Variants in C3 observed in about 807,000 individuals in gnomAD.
C3 encodes C3 and PZP-like alpha-2-macroglobulin domain-containing protein 1.
Under a neutral mutation model 207.9 loss-of-function variants are expected in C3, and 97 were observed. That is an observed-to-expected ratio of 0.47 (90% CI 0.40 to 0.55). The LOEUF (loss-of-function observed/expected upper bound fraction) is 0.55, where lower values mean the gene tolerates loss of function less well. Among genes scored for constraint, C3 ranks in the 20% least tolerant of loss-of-function variants. C3 has a pLI of 0.00. For synonymous variants in C3, 848 were observed against 857.6 expected, an observed-to-expected ratio of 0.99 and a Z score of 0.20; for missense variants, 1,684 against 2,171.7, an observed-to-expected ratio of 0.78 and a Z score of 4.46.
rs551024687 is a variant in C3, at chr19:6,680,023, G to A, written c.4456+135C>T. ...AGATCCTTGGGACCCTCAGACCCGT[G>A]GGACCTTCATACTACGAATGCTCAA... is the stretch of plus-strand genomic sequence containing the variant. On this transcript the variant is annotated intron_variant, in intron 36 of 40. Transcript: ENST00000245907. 6 of 708,550 alleles carry A rather than the reference G, an allele frequency of 8.5e-6. No individual in the cohort carries two copies. The South Asian group carries it at 8.7e-5, about 10-fold the overall frequency. 43.9% of individuals were successfully genotyped at this position (708,550 alleles called of 1,614,324 possible).
chr19:6,702,666 G>C (rs1967700030), intron 17 of C3, 87 bp from the exon 18 acceptor site: 2 of 899,586 alleles, frequency 2.2e-6, no homozygotes. Flanking sequence ...GGGAGGCCAA[G>C]GCAGGTGGAT....
In C3 at chr19:6,717,701, C is replaced by T. The variant is rs2642197; in HGVS notation, c.504+393G>A. 1.0e-3 allele frequency: 341 copies of T among 337,588 alleles called. 1 individual carries two copies. Among genetic ancestry groups the T allele is most frequent in the African/African-American group, 7.4e-3 (291 of 39,076 alleles). 20.9% of individuals were successfully genotyped at this position (337,588 alleles called of 1,614,324 possible). A position where few individuals can be genotyped will look rare whatever the true frequency, so the allele number is the denominator to read the frequency against. ...TGTTGTGTGTGTTTTGTGTGTATTG[C>T]GTGGTTGTGTATGTTGTGTATTGTG... On this transcript the variant is annotated intron_variant, in intron 4 of 40. Transcript: ENST00000245907.
At chr19:6,688,888 T>A (rs1444761001) in intron 27 of C3, among the ~76,000 whole-genome samples, 1 of 152,192 alleles carries the variant, frequency 6.6e-6, no homozygotes, top group Non-Finnish European at 1.5e-5. Flanking sequence ...TTGGTCCAGA[T>A]ATAGTCATCT....
chr19:6,709,212 G>T (rs1284081043), intron 14 of C3, among the ~76,000 whole-genome samples: 2 of 152,152 alleles, frequency 1.3e-5, no homozygotes, highest in Non-Finnish European at 2.9e-5. Context: ...ACTTTGGGAG[G>T]TCGAGGCGGG....
In C3 at chr19:6,694,413, G is replaced by A. The variant is rs527641721; in HGVS notation, c.3154+18C>T. Reference sequence around the variant, plus strand: ...GGAAAGGGGTCCCTGGGGTCTCCAAGAGGGGCAGGGAGCCCACCCTTCTTG... The same window carrying A: ...GGAAAGGGGTCCCTGGGGTCTCCAAAAGGGGCAGGGAGCCCACCCTTCTTG... On this transcript the variant is annotated intron_variant, in intron 24 of 40. Transcript: ENST00000245907. 3.1e-6 allele frequency: 5 copies of A among 1,612,554 alleles called. No individual in the cohort carries two copies. Among genetic ancestry groups the A allele is most frequent in the African/African-American group, 2.7e-5 (2 of 74,966 alleles).
intron 21 of C3, among the ~76,000 whole-genome samples, chr19:6,697,023 C>G (rs1967547270): frequency 8.2e-6 from 1 of 122,188 alleles, no homozygotes; most frequent in Non-Finnish European, 1.7e-5. Flanking sequence ...GCCTGGGGAA[C>G]AGAGTGAGAC....
At position 6,719,375 on chromosome 19, in the gene C3, G is replaced by C; in HGVS notation, c.103C>G (p.Arg35Gly). The change falls in exon 2 of 41, where the codon CGG becomes GGG. Residue 35 changes from arginine to glycine, a missense_variant. Coordinates refer to ENST00000245907, the MANE Select transcript of C3 (RefSeq NM_000064.4). The surrounding 1 kb of genome is among the most constrained non-coding windows in gnomAD (Gnocchi z 5.4). ...ACCATGGTCTCCTCGCTCTCCAGCC[G>C]CAAGATGTTGGGGGTGATGATAGAG... ...MYSIITPNIL[R>G]LESEETMVLE... 1 of 1,613,958 alleles carries C rather than the reference G, an allele frequency of 6.2e-7. No homozygotes were observed. The highest frequency in any genetic ancestry group is 1.1e-5 in the South Asian group (1 of 91,084).
intron 19 of C3, among the ~76,000 whole-genome samples, chr19:6,698,057 G>A (rs1967578828): frequency 2.0e-5 from 3 of 151,560 alleles, no homozygotes; most frequent in Non-Finnish European, 2.9e-5. Context: ...AGACTCTGTC[G>A]CCAGGCTGGA....
chr19:6,684,438 T>C lies in C3; in HGVS notation c.4122A>G (p.Glu1374=). The C allele has an allele frequency of 1.2e-6, 2 of 1,613,450 alleles. No homozygotes were observed. The highest frequency in any genetic ancestry group is 1.7e-6 in the Non-Finnish European group (2 of 1,179,350). The change falls in exon 33 of 41, where the codon GAA becomes GAG. Residue 1374 remains glutamate (E), a splice_region_variant and synonymous_variant. Coordinates refer to ENST00000245907, the MANE Select transcript of C3 (RefSeq NM_000064.4). ...KVTIKPAPET[E]KRPQDAKNTM... ...TGTTCTTGGCATCCTGAGGCCTCTT[T>C]TCTAGAAACACAGAAGAGAGAAAGA...
Position 6,713,400 on chromosome 19 carries a change from A to G in C3, c.876+7T>C, listed in dbSNP as rs751541785. The stretch of plus-strand genomic sequence containing the variant: ...GCAGGGATCAAAGCGGCCTCCGTCT[A>G]TGGTACCGGAATGCGCTTGAGGGAT... On this transcript the variant is annotated splice_region_variant and intron_variant, in intron 8 of 40. Transcript: ENST00000245907. 2.5e-6 allele frequency: 4 copies of G among 1,613,748 alleles called. No homozygotes were observed. Among genetic ancestry groups the G allele is most frequent in the South Asian group, 1.1e-5 (1 of 91,082 alleles).
chr19:6,688,761 C>T (rs1380534044), intron 27 of C3, among the ~76,000 whole-genome samples: 2 of 152,186 alleles, frequency 1.3e-5, no homozygotes, highest in African/African-American at 4.8e-5. Flanking sequence ...TATTCCTGCC[C>T]ATTTGCCTCT....
rs769873702 is a variant in C3 at position 6,685,004 on chromosome 19, A to C, written c.3953T>G (p.Leu1318Arg). ...THRIHWESAS[L>R]LRSEETKENE... is the part of the protein sequence containing the mutation. ...TGACTGTACCTCTTCTGATCGCAGGAGGCTGGCAGATTCCCAGTGGATACG... is the reference window on the plus strand; with the variant it reads ...TGACTGTACCTCTTCTGATCGCAGGCGGCTGGCAGATTCCCAGTGGATACG... Residue 1318 changes from leucine to arginine, a missense_variant, in exon 30 of 41, where the codon CTC becomes CGC. Transcript: ENST00000245907. The C allele has an allele frequency of 6.4e-5, 104 of 1,613,636 alleles. No homozygotes were observed. The highest frequency in any genetic ancestry group is 6.9e-5 in the Non-Finnish European group (81 of 1,179,994).
In C3 at chr19:6,719,495, C is replaced by A; in HGVS notation, c.75-92G>T. The stretch of plus-strand genomic sequence containing the variant: ...GTCAGCGCCTGGCAGGCTGTGTGCC[C>A]CAGCCTCTGGTCCTGGAGAGGATCC... On this transcript the variant is annotated intron_variant, in intron 1 of 40. Coordinates refer to ENST00000245907, the MANE Select transcript of C3 (RefSeq NM_000064.4). This position sits in a 1 kb window ranked among gnomAD's most constrained non-coding sequence, Gnocchi z 5.4. 2.5e-6 allele frequency: 3 copies of A among 1,181,354 alleles called. No individual in the cohort carries two copies. Among genetic ancestry groups the A allele is most frequent in the East Asian group, 2.4e-5 (1 of 42,044 alleles). 73.2% of individuals were successfully genotyped at this position (1,181,354 alleles called of 1,614,324 possible). A position where few individuals can be genotyped will look rare whatever the true frequency, so the allele number is the denominator to read the frequency against.
intron 18 of C3, 97 bp from the exon 19 acceptor site, chr19:6,702,309 A>G: frequency 1.0e-6 from 1 of 986,566 alleles, no homozygotes; most frequent in East Asian, 2.4e-5. Flanking sequence ...ACAGGCTGGA[A>G]GGGTCTGGGG....
chr19:6,684,895 G>A (rs1370294910), intron 30 of C3, 61 bp from the exon 31 acceptor site: 2 of 1,603,702 alleles, frequency 1.2e-6, no homozygotes, highest in East Asian at 4.5e-5. Context: ...TGCCTGTGAT[G>A]GTCACCTGGC....
chr19:6,714,600 G>A (rs765399579), intron 4 of C3, among the ~76,000 whole-genome samples, 154 bp from the exon 5 acceptor site: 2 of 152,206 alleles, frequency 1.3e-5, no homozygotes, highest in African/African-American at 4.8e-5. Flanking sequence ...AGCGGCTCAC[G>A]CCTGTCATCC....
chr19:6,693,080 C>G lies in C3; in HGVS notation c.3234G>C (p.Leu1078=). 1 of 1,613,982 alleles carries G rather than the reference C, an allele frequency of 6.2e-7. No individual in the cohort carries two copies. The highest frequency in any genetic ancestry group is 2.2e-5 in the East Asian group (1 of 44,874). Residue 1078 remains leucine (L), a synonymous_variant, in exon 26 of 41, where the codon CTG becomes CTC. Transcript: ENST00000245907. ...AGAAGACCTTGACCACGTAGGCGGT[C>G]AGCCTGGAGTGGGCACAGAGCATGA... is the stretch of plus-strand genomic sequence containing the variant. ...AFVKRAPSTW[L]TAYVVKVFSL...
intron 7 of C3, 155 bp from the exon 8 acceptor site, chr19:6,713,664 GCCCCCCACCTTGCCCCACTCCCA>G: frequency 9.2e-6 from 2 of 217,696 alleles, no homozygotes; most frequent in Non-Finnish European, 1.6e-5. Flanking sequence ...CCCACCCCCA[GCCCCCCACCTTGCCCCACTCCCA>G]CCCCCCACAT....
At chr19:6,701,855 A>G (rs996292797) in intron 19 of C3, among the ~76,000 whole-genome samples, 3 of 151,820 alleles carry the variant, frequency 2.0e-5, no homozygotes, top group Non-Finnish European at 4.4e-5. Flanking sequence ...TGCTACTACT[A>G]TTTTTCCAGG....
Sources: gnomAD v4.1 joint callset for allele counts (sites outside exome capture counted in the v4.1 genomes callset) on GRCh38, gnomAD v4.1.1 for gene constraint, Gnocchi (gnomAD v3.1) non-coding constraint, MANE v1.5 for transcripts, NCBI Gene and HGNC (gene_info 2026-07-23, HGNC 2026-07-21) for gene names.